GRB10: variants seen among roughly 807,000 people sequenced by gnomAD.
GRB10 encodes growth factor receptor-bound protein 10.
GRB10 carries 20 observed loss-of-function variants against 80.9 expected under a neutral mutation model. The ratio of observed to expected loss-of-function variants is 0.25; its 90% CI spans 0.17 to 0.36. The LOEUF (loss-of-function observed/expected upper bound fraction) is 0.36. Ranked by LOEUF, GRB10 falls within the 10% of genes least tolerant of loss-of-function variation. GRB10 has a pLI of 1.00. For missense variants in GRB10, 548 were observed against 747.7 expected, an observed-to-expected ratio of 0.73 and a Z score of 3.12; for synonymous variants, 291 against 291.5, an observed-to-expected ratio of 1.00 and a Z score of 0.02.
chr7:50,784,598 G>A, upstream of GRB10, among the ~76,000 whole-genome samples: 1 of 152,222 alleles, frequency 6.6e-6, no homozygotes. Flanking sequence ...GCTGTTCCTG[G>A]ATGTGGGAAG....
chr7:50,696,508 C>G (rs901339073), intron 5 of GRB10, among the ~76,000 whole-genome samples: 1 of 152,182 alleles, frequency 6.6e-6, no homozygotes, highest in African/African-American at 2.4e-5. Flanking sequence ...TACCACTGCA[C>G]CACACGGCCC....
intron 2 of GRB10, among the ~76,000 whole-genome samples, chr7:50,761,064 C>T (rs974491734): frequency 1.3e-5 from 2 of 152,284 alleles, no homozygotes; most frequent in African/African-American, 4.8e-5. Flanking sequence ...TAATTAAGAA[C>T]AACTAGATAT....
At chr7:50,603,196 G>A (rs1373405805) in intron 17 of GRB10, among the ~76,000 whole-genome samples, 1 of 152,214 alleles carries the variant, frequency 6.6e-6, no homozygotes, top group Non-Finnish European at 1.5e-5. Flanking sequence ...AGGATGATCA[G>A]CCTGTGTCTC....
At chr7:50,681,343 G>A (rs2061522294) in intron 5 of GRB10, among the ~76,000 whole-genome samples, 1 of 152,178 alleles carries the variant, frequency 6.6e-6, no homozygotes, top group East Asian at 1.9e-4. Flanking sequence ...TGCATCCCTG[G>A]CCCTTTTGGA....
At chr7:50,670,546 C>A in intron 6 of GRB10, among the ~76,000 whole-genome samples, 1 of 151,262 alleles carries the variant, frequency 6.6e-6, no homozygotes, top group Middle Eastern at 3.4e-3. Flanking sequence ...GGCGGGGTGC[C>A]GAAGTTTTGT....
intron 5 of GRB10, among the ~76,000 whole-genome samples, chr7:50,689,296 T>A (rs1003416042): frequency 6.6e-6 from 1 of 152,212 alleles, no homozygotes; most frequent in Non-Finnish European, 1.5e-5. Context: ...GCAAGTAGAT[T>A]AGAAGCCTGC....
chr7:50,676,208 G>A (rs1231892162), intron 5 of GRB10, among the ~76,000 whole-genome samples: 2 of 151,870 alleles, frequency 1.3e-5, no homozygotes, highest in African/African-American at 2.4e-5. Flanking sequence ...AGCAGAGACC[G>A]GCACTTGCAA....
In GRB10 at chr7:50,626,844, C is replaced by T. The variant is rs912624769; in HGVS notation, c.639G>A (p.Glu213=). 1 of 1,614,040 alleles carries T rather than the reference C, an allele frequency of 6.2e-7. No individual in the cohort carries two copies. The highest frequency in any genetic ancestry group is 1.3e-5 in the African/African-American group (1 of 74,912). ...TACCTAATCCTAGGTGCGGGTGGTG[C>T]TCCACTAGTGTCCAGCTGTTGTCAT... ...CVDDNSWTLV[E]HHPHLGLERC... The change falls in exon 8 of 19, where the codon GAG becomes GAA. Residue 213 remains glutamate, a synonymous_variant. Transcript: ENST00000401949.
At chr7:50,618,460 AAAG>A (rs1216550635) in intron 9 of GRB10, among the ~76,000 whole-genome samples, 3 of 152,362 alleles carry the variant, frequency 2.0e-5, no homozygotes, top group Non-Finnish European at 4.4e-5. Context: ...AGCGTGAGAT[AAAG>A]AATTCCTGAA....
intron 6 of GRB10, among the ~76,000 whole-genome samples, chr7:50,673,002 C>T (rs565101084): frequency 3.6e-4 from 55 of 152,200 alleles, no homozygotes; most frequent in Admixed American, 6.5e-4. Context: ...CAGCTGACCA[C>T]GGGCGCCAGG....
At chr7:50,642,083 T>C (rs146319055) in intron 7 of GRB10, among the ~76,000 whole-genome samples, 105 of 152,318 alleles carry the variant, frequency 6.9e-4, no homozygotes, top group African/African-American at 2.4e-3. Context: ...CTGGGAGTTT[T>C]CTTAACTAGC....
chr7:50,696,303 AG>A (rs1302575420), intron 5 of GRB10, among the ~76,000 whole-genome samples: 1 of 152,204 alleles, frequency 6.6e-6, no homozygotes, highest in Non-Finnish European at 1.5e-5. Flanking sequence ...CACCAGCAAG[AG>A]TTACTTCTTA....
intron 4 of GRB10, among the ~76,000 whole-genome samples, chr7:50,722,447 A>C (rs1468511061): frequency 2.0e-5 from 3 of 152,226 alleles, no homozygotes. Context: ...AGCTTGCAGC[A>C]AGGTGGGAAA....
Position 50,677,853 on chromosome 7 carries a change from G to A in GRB10, c.140-3195C>T, listed in dbSNP as rs535818051. ...CACACACGTGCACACGTGCGAACAT[G>A]TCCACACACATGCACACACTTGCAC... On this transcript the variant is annotated intron_variant, in intron 5 of 18. Transcript: ENST00000401949. 2.0e-4 allele frequency among the ~76,000 whole-genome samples: 30 copies of A among 152,292 alleles called. 1 individual carries two copies. The highest frequency in any genetic ancestry group is 1.5e-3 in the South Asian group (7 of 4,824).
chr7:50,781,872 G>GGGAGAAAGAGGTTTTCAT (rs1562710461), intron 1 of GRB10, among the ~76,000 whole-genome samples: 1 of 152,256 alleles, frequency 6.6e-6, no homozygotes, highest in African/African-American at 2.4e-5. Context: ...GCACCTTCCA[G>GGGAGAAAGAGGTTTTCAT]GGAGAAAGAG....
intron 2 of GRB10, among the ~76,000 whole-genome samples, chr7:50,773,283 G>T (rs1474282705): frequency 2.0e-5 from 3 of 150,800 alleles, no homozygotes; most frequent in Non-Finnish European, 4.4e-5. Flanking sequence ...GATGAGATTT[G>T]GGACACAGCC....
At chr7:50,730,588 A>T (rs918604358) in intron 4 of GRB10, among the ~76,000 whole-genome samples, 1 of 152,222 alleles carries the variant, frequency 6.6e-6, no homozygotes, top group African/African-American at 2.4e-5. Context: ...GGCCCTGAGA[A>T]GCAATGAGTA....
intron 13 of GRB10, among the ~76,000 whole-genome samples, chr7:50,610,259 T>G (rs2049275591): frequency 6.6e-6 from 1 of 152,220 alleles, no homozygotes; most frequent in Non-Finnish European, 1.5e-5. Flanking sequence ...TTCTGTATAG[T>G]GGGCAATGAA....
At chr7:50,687,652 C>T (rs1002717818) in intron 5 of GRB10, among the ~76,000 whole-genome samples, 6 of 152,198 alleles carry the variant, frequency 3.9e-5, no homozygotes, top group East Asian at 1.9e-4. Flanking sequence ...TCTCTGCTTC[C>T]GCATGGTGTC....
Sources: allele counts gnomAD v4.1 joint callset (sites outside exome capture counted in the v4.1 genomes callset), GRCh38; gene constraint gnomAD v4.1.1; transcripts MANE v1.5; gene names NCBI Gene and HGNC (gene_info 2026-07-23, HGNC 2026-07-21).